The following OSBPL6 variants were observed in gnomAD, a reference collection of about 807,000 sequenced individuals.
OSBPL6 encodes the protein oxysterol-binding protein-related protein 6.
In OSBPL6, 49 loss-of-function variants were observed where a neutral mutation model predicts 125.8. That is an observed-to-expected ratio of 0.39 (90% CI 0.31 to 0.49). The LOEUF is 0.49. OSBPL6 is among the 20% of genes least tolerant of loss of function. The pLI is 0.88. For missense variants in OSBPL6, 986 were observed against 1,135.4 expected (o/e 0.87, Z 1.89); for synonymous variants, 394 against 391.8 (o/e 1.01, Z -0.07).
chr2:178,346,884 C>T (rs1267003601), intron 11 of OSBPL6, among the ~76,000 whole-genome samples: 1 of 152,046 alleles, frequency 6.6e-6, no homozygotes, highest in Non-Finnish European at 1.5e-5. Flanking sequence ...AAAAAGTATA[C>T]CAATATATAA....
At chr2:178,252,290 T>A (rs2091724889) in intron 1 of OSBPL6, among the ~76,000 whole-genome samples, 1 of 60,600 alleles carries the variant, frequency 1.7e-5, no homozygotes, top group Non-Finnish European at 3.2e-5. Flanking sequence ...AAGGGCCAGG[T>A]TATAAATATT....
At chr2:178,270,289 A>G (rs2092348549) in intron 1 of OSBPL6, among the ~76,000 whole-genome samples, 1 of 152,248 alleles carries the variant, frequency 6.6e-6, no homozygotes, top group Non-Finnish European at 1.5e-5. Context: ...AAGCATGACT[A>G]TGAATGATTT....
intron 11 of OSBPL6, among the ~76,000 whole-genome samples, chr2:178,345,113 C>A (rs1054391993): frequency 6.6e-6 from 1 of 152,042 alleles, no homozygotes; most frequent in Non-Finnish European, 1.5e-5. Context: ...CACAAGAACT[C>A]CTTGCTGGAT....
chr2:178,235,944 T>C (rs1005028244), intron 1 of OSBPL6, among the ~76,000 whole-genome samples: 1 of 152,246 alleles, frequency 6.6e-6, no homozygotes, highest in East Asian at 1.9e-4. Flanking sequence ...ATTTTTGTTT[T>C]ATTTTTACGT....
chr2:178,246,796 T>C (rs976413088), intron 1 of OSBPL6, among the ~76,000 whole-genome samples: 2 of 152,246 alleles, frequency 1.3e-5, no homozygotes, highest in Admixed American at 6.5e-5. Flanking sequence ...TCCATTCTGC[T>C]TCTAGAGTTA....
In OSBPL6 at chr2:178,382,905, GAT is replaced by G; in HGVS notation, c.1622-115_1622-114del. ...AAAGAATTCCATTTACTTTTGAAAA[GAT>G]ATAATGAAGACTCATGAAAGGTCTC... On this transcript the variant is annotated intron_variant, in intron 16 of 24. Transcript: ENST00000190611. 4 of 1,466,504 alleles carry G rather than the reference GAT, an allele frequency of 2.7e-6. 1 individual carries two copies. The South Asian group carries it at 5.6e-5, about 20-fold the overall frequency. The allele number at this position is 1,466,504 out of a possible 1,614,324, so 90.8% of individuals were successfully genotyped here.
chr2:178,350,803 A>G (rs766657061), intron 12 of OSBPL6, among the ~76,000 whole-genome samples: 15 of 152,186 alleles, frequency 9.9e-5, no homozygotes, highest in Non-Finnish European at 1.8e-4. Flanking sequence ...GTGACCACAG[A>G]TGTGTGAGTT....
At chr2:178,303,461 G>A (rs1264618585) in intron 2 of OSBPL6, among the ~76,000 whole-genome samples, 1 of 152,102 alleles carries the variant, frequency 6.6e-6, no homozygotes, top group Non-Finnish European at 1.5e-5. Flanking sequence ...AACACATTCA[G>A]GGTGACATAA....
intron 1 of OSBPL6, among the ~76,000 whole-genome samples, chr2:178,270,410 C>T (rs2092350948): frequency 6.6e-6 from 1 of 152,118 alleles, no homozygotes. Context: ...ATTCTCATTA[C>T]AACTCTGTGA....
At chr2:178,193,934 A>G (rs2088670556), upstream of OSBPL6, among the ~76,000 whole-genome samples, 1 of 152,176 alleles carries the variant, frequency 6.6e-6, no homozygotes, top group South Asian at 2.1e-4. Context: ...AGGCACGCAC[A>G]GTCGCGTAAG....
intron 11 of OSBPL6, among the ~76,000 whole-genome samples, chr2:178,347,609 G>A (rs1237534916): frequency 2.0e-5 from 3 of 152,096 alleles, no homozygotes; most frequent in African/African-American, 7.2e-5. Context: ...ATCCTAAAAG[G>A]TCCTCAGTCC....
intron 1 of OSBPL6, among the ~76,000 whole-genome samples, chr2:178,253,557 GT>G (rs2091773067): frequency 6.6e-6 from 1 of 152,168 alleles, no homozygotes; most frequent in Admixed American, 6.5e-5. Flanking sequence ...CCATTTGACA[GT>G]TGGGGAAATG....
intron 1 of OSBPL6, among the ~76,000 whole-genome samples, chr2:178,252,670 G>T (rs1191231103): frequency 6.6e-6 from 1 of 152,070 alleles, no homozygotes; most frequent in East Asian, 1.9e-4. Flanking sequence ...CTTACTTGAG[G>T]CCACTAGGAT....
intron 1 of OSBPL6, among the ~76,000 whole-genome samples, chr2:178,218,418 AAAGAGAGAG>A (rs2090181490): frequency 6.6e-6 from 1 of 151,544 alleles, no homozygotes; most frequent in African/African-American, 2.4e-5. Context: ...TAAAAAAAAA[AAAGAGAGAG>A]AGAGAATGCT....
Position 178,264,240 on chromosome 2 carries a change from C to T in OSBPL6, c.-350-20687C>T, listed in dbSNP as rs181524150. 4.5e-3 allele frequency among the ~76,000 whole-genome samples: 692 copies of T among 152,310 alleles called. 4 individuals carry two copies. The highest frequency in any genetic ancestry group is 7.8e-3 in the Admixed American group (119 of 15,300). On this transcript the variant is annotated intron_variant, in intron 1 of 24. Transcript: ENST00000190611. Reference sequence around the variant, plus strand: ...TACTTGATTTGAAGCATCATTCTCTCATATAAATGTCCAAACTGATCATTA... The same window carrying T: ...TACTTGATTTGAAGCATCATTCTCTTATATAAATGTCCAAACTGATCATTA...
chr2:178,378,901 C>T (rs1694141693), intron 15 of OSBPL6, among the ~76,000 whole-genome samples: 1 of 152,148 alleles, frequency 6.6e-6, no homozygotes, highest in African/African-American at 2.4e-5. Context: ...CATGGTGGCT[C>T]ATGCCTGTAA....
In OSBPL6 at chr2:178,331,566, G is replaced by T. The variant is rs1444970433; in HGVS notation, c.333G>T (p.Leu111=). The T allele has an allele frequency of 6.2e-7, 1 of 1,614,004 alleles. No homozygotes were observed. Among genetic ancestry groups the T allele is most frequent in the East Asian group, 2.2e-5 (1 of 44,870 alleles). The part of the protein sequence containing the change: ...LKGWHKRFFV[L]DNGMLKYSKA... ...GGTTCTTGCAGCGTTTTTTTGTCCTGGATAATGGAATGTTAAAGTATTCAA... is the reference window on the plus strand; with the variant it reads ...GGTTCTTGCAGCGTTTTTTTGTCCTTGATAATGGAATGTTAAAGTATTCAA... The change falls in exon 6 of 25, where the codon CTG becomes CTT. Residue 111 remains leucine (L), a synonymous_variant. Transcript: ENST00000190611.
rs184199947 is a variant in OSBPL6, at chr2:178,310,518, C to T, written c.102+4232C>T. Reference sequence around the variant, plus strand: ...CTGCAAGCTCTGCCTCCTGGGTTCACGCCATTCTCCCGCCTCAGCCTCCTG... The same window carrying T: ...CTGCAAGCTCTGCCTCCTGGGTTCATGCCATTCTCCCGCCTCAGCCTCCTG... On this transcript the variant is annotated intron_variant, in intron 3 of 24. Coordinates refer to ENST00000190611, the MANE Select transcript of OSBPL6 (RefSeq NM_032523.4). 3.5e-3 allele frequency among the ~76,000 whole-genome samples: 516 copies of T among 148,086 alleles called. 7 individuals are homozygous for T. Among genetic ancestry groups the T allele is most frequent in the African/African-American group, 9.5e-3 (384 of 40,252 alleles).
intron 3 of OSBPL6, among the ~76,000 whole-genome samples, chr2:178,317,753 T>A (rs1017378578): frequency 3.9e-5 from 6 of 151,904 alleles, no homozygotes; most frequent in Non-Finnish European, 5.9e-5. Flanking sequence ...TTGCTTGTAT[T>A]GTTAGCAAAA....
Sources: gnomAD v4.1 joint callset for allele counts (sites outside exome capture counted in the v4.1 genomes callset) on GRCh38, gnomAD v4.1.1 for gene constraint, MANE v1.5 for transcripts, NCBI Gene and HGNC (gene_info 2026-07-23, HGNC 2026-07-21) for gene names.